Variants in SLC24A2 observed in about 807,000 individuals in gnomAD.
SLC24A2 encodes the protein sodium/potassium/calcium exchanger 2.
SLC24A2 carries 36 observed loss-of-function variants against 62.0 expected under a neutral mutation model. That is an observed-to-expected ratio of 0.58 (90% CI 0.44 to 0.77). SLC24A2 has a LOEUF of 0.77. SLC24A2 is among the 30% of genes least tolerant of loss of function. SLC24A2 has a pLI of 0.00. For missense variants in SLC24A2, 846 were observed against 817.9 expected (o/e 1.03, Z -0.42); for synonymous variants, 358 against 294.0 (o/e 1.22, Z -2.23).
the SLC24A2 span, among the ~76,000 whole-genome samples, chr9:19,886,230 T>C: frequency 6.6e-6 from 1 of 152,206 alleles, no homozygotes; most frequent in Non-Finnish European, 1.5e-5. Flanking sequence ...GTATAAGCAT[T>C]CTCTTTTCTC....
At chr9:20,095,995 C>A in the SLC24A2 span, among the ~76,000 whole-genome samples, 1 of 152,100 alleles carries the variant, frequency 6.6e-6, no homozygotes, top group African/African-American at 2.4e-5. Flanking sequence ...TGGGTCCCTT[C>A]CACAACATGT....
the SLC24A2 span, among the ~76,000 whole-genome samples, chr9:20,071,549 C>T: frequency 6.6e-6 from 1 of 152,150 alleles, no homozygotes; most frequent in African/African-American, 2.4e-5. Flanking sequence ...AAAATGTGTC[C>T]ATGTTCTAAT....
At chr9:19,972,850 G>A in the SLC24A2 span, among the ~76,000 whole-genome samples, 2 of 152,106 alleles carry the variant, frequency 1.3e-5, no homozygotes, top group Non-Finnish European at 2.9e-5. Flanking sequence ...CTGTCATTAC[G>A]AGAAGAGCAG....
At chr9:20,149,881 C>T in the SLC24A2 span, among the ~76,000 whole-genome samples, 1 of 151,944 alleles carries the variant, frequency 6.6e-6, no homozygotes, top group East Asian at 1.9e-4. Flanking sequence ...GGATACAGCC[C>T]CTTCCTCAAA....
chr9:19,990,122 G>C, the SLC24A2 span, among the ~76,000 whole-genome samples: 1 of 152,108 alleles, frequency 6.6e-6, no homozygotes, highest in East Asian at 1.9e-4. Flanking sequence ...TGTTGTGCCT[G>C]CATTATCTCA....
the SLC24A2 span, among the ~76,000 whole-genome samples, chr9:20,176,775 T>C: frequency 2.0e-5 from 3 of 152,104 alleles, no homozygotes; most frequent in South Asian, 2.1e-4. Context: ...TATAAATGTA[T>C]TGAAATGTAA....
intron 5 of SLC24A2, among the ~76,000 whole-genome samples, chr9:19,590,791 C>G (rs1354089221): frequency 6.6e-6 from 1 of 152,172 alleles, no homozygotes; most frequent in Non-Finnish European, 1.5e-5. Flanking sequence ...GCACCACTTC[C>G]AAAACCCCAA....
At chr9:19,899,211 G>T in the SLC24A2 span, among the ~76,000 whole-genome samples, 2 of 152,196 alleles carry the variant, frequency 1.3e-5, no homozygotes, top group Non-Finnish European at 2.9e-5. Context: ...TGCTCTTGCC[G>T]CAAGGGAGAC....
chr9:19,725,356 TA>T (rs1337388799), intron 2 of SLC24A2, among the ~76,000 whole-genome samples: 1 of 152,192 alleles, frequency 6.6e-6, no homozygotes, highest in Non-Finnish European at 1.5e-5. Flanking sequence ...TCTCAGTAGC[TA>T]AAAGAGTGAA....
chr9:20,230,947 C>T, the SLC24A2 span, among the ~76,000 whole-genome samples: 37 of 152,212 alleles, frequency 2.4e-4, no homozygotes, highest in African/African-American at 8.4e-4. Flanking sequence ...CAGCTTTCTA[C>T]ATATGGCTAG....
At chr9:19,740,922 C>A (rs1821657061) in intron 2 of SLC24A2, among the ~76,000 whole-genome samples, 1 of 151,760 alleles carries the variant, frequency 6.6e-6, no homozygotes, top group Admixed American at 6.6e-5. Context: ...CCACAACAGC[C>A]TCATCATGGT....
chr9:19,765,931 C>A (rs1203583034), intron 2 of SLC24A2, among the ~76,000 whole-genome samples: 1 of 152,172 alleles, frequency 6.6e-6, no homozygotes, highest in Non-Finnish European at 1.5e-5. Flanking sequence ...TTCCGGTATA[C>A]CAATCAAATG....
At chr9:19,870,576 A>G in the SLC24A2 span, among the ~76,000 whole-genome samples, 5 of 152,122 alleles carry the variant, frequency 3.3e-5, no homozygotes, top group African/African-American at 9.7e-5. Context: ...TCTTTTAGAG[A>G]ACTGTCACAC....
chr9:20,179,158 C>T, the SLC24A2 span, among the ~76,000 whole-genome samples: 11 of 151,986 alleles, frequency 7.2e-5, no homozygotes, highest in African/African-American at 2.4e-4. Flanking sequence ...AAGAGAAGAC[C>T]GTAGAAATCA....
At chr9:20,248,822 C>G in the SLC24A2 span, among the ~76,000 whole-genome samples, 1 of 152,194 alleles carries the variant, frequency 6.6e-6, no homozygotes, top group African/African-American at 2.4e-5. Flanking sequence ...ATTTACTTCT[C>G]CGGGGCACCC....
the SLC24A2 span, among the ~76,000 whole-genome samples, chr9:20,032,966 G>A: frequency 6.6e-6 from 1 of 152,160 alleles, no homozygotes; most frequent in African/African-American, 2.4e-5. Flanking sequence ...GGTATGCTTT[G>A]CCTTTTGGGG....
At chr9:20,052,760 A>C in the SLC24A2 span, among the ~76,000 whole-genome samples, 1 of 152,178 alleles carries the variant, frequency 6.6e-6, no homozygotes, top group Non-Finnish European at 1.5e-5. Flanking sequence ...TAAATTTGGA[A>C]ATGTAGACTC....
At chr9:19,711,500 A>G (rs1239985955) in intron 2 of SLC24A2, among the ~76,000 whole-genome samples, 1 of 152,216 alleles carries the variant, frequency 6.6e-6, no homozygotes, top group East Asian at 1.9e-4. Flanking sequence ...TAAAAAAATT[A>G]TGAGTGAGGA....
chr9:19,988,898 G>A, the SLC24A2 span, among the ~76,000 whole-genome samples: 119,930 of 152,094 alleles, frequency 0.79, 47,540 homozygotes, highest in Non-Finnish European at 0.83. Flanking sequence ...TAAAACTTTA[G>A]TTTTCACCAT....
Sources: allele counts gnomAD v4.1 joint callset (sites outside exome capture counted in the v4.1 genomes callset), GRCh38; gene constraint gnomAD v4.1.1; transcripts MANE v1.5; gene names NCBI Gene and HGNC (gene_info 2026-07-23, HGNC 2026-07-21).